Variants in IQGAP2 observed in about 807,000 individuals in gnomAD.
The protein encoded by IQGAP2 is ras GTPase-activating-like protein IQGAP2.
IQGAP2 carries 173 observed loss-of-function variants against 201.3 expected under a neutral mutation model. The ratio of observed to expected loss-of-function variants is 0.86; its 90% CI spans 0.76 to 0.98. The LOEUF (loss-of-function observed/expected upper bound fraction) is 0.98. IQGAP2 is among the 50% of genes least tolerant of loss of function. IQGAP2 has a pLI of 0.00. For synonymous variants in IQGAP2, 675 were observed against 673.9 expected (o/e 1.00, Z -0.03); for missense variants, 1,687 against 1,864.8 (o/e 0.90, Z 1.76).
intron 3 of IQGAP2, among the ~76,000 whole-genome samples, chr5:76,569,185 G>A (rs1744943248): frequency 6.6e-6 from 1 of 152,118 alleles, no homozygotes; most frequent in Non-Finnish European, 1.5e-5. Context: ...CTGATAGAGT[G>A]TTAGCATAGG....
intron 3 of IQGAP2, among the ~76,000 whole-genome samples, chr5:76,566,019 T>C (rs577095186): frequency 3.1e-4 from 47 of 152,266 alleles, no homozygotes; most frequent in African/African-American, 1.1e-3. Context: ...AACATTAATA[T>C]AACAAATTGC....
At chr5:76,675,498 T>A (rs923578746) in intron 27 of IQGAP2, among the ~76,000 whole-genome samples, 2 of 152,242 alleles carry the variant, frequency 1.3e-5, no homozygotes, top group African/African-American at 4.8e-5. Flanking sequence ...GATTTAATTC[T>A]ATTGATTTTG....
chr5:76,663,933 A>C (rs1222431796), intron 21 of IQGAP2, among the ~76,000 whole-genome samples: 2 of 152,222 alleles, frequency 1.3e-5, no homozygotes, highest in East Asian at 3.9e-4. Flanking sequence ...GGCTTAAAGG[A>C]ATATTGTGCT....
intron 1 of IQGAP2, among the ~76,000 whole-genome samples, chr5:76,443,394 G>A (rs947022992): frequency 1.3e-5 from 2 of 151,892 alleles, no homozygotes; most frequent in African/African-American, 2.4e-5. Flanking sequence ...GATGAGACGG[G>A]AAGATCATTT....
chr5:76,591,692 A>G (rs574694656), intron 8 of IQGAP2, among the ~76,000 whole-genome samples: 9 of 152,024 alleles, frequency 5.9e-5, no homozygotes, highest in Non-Finnish European at 1.3e-4. Flanking sequence ...CCCTCTCAGT[A>G]TGGGGATTCT....
At chr5:76,575,831 C>A in intron 5 of IQGAP2, 62 bp downstream of exon 5, 1 of 956,870 alleles carries the variant, frequency 1.0e-6, no homozygotes, top group Non-Finnish European at 1.5e-6. Flanking sequence ...ACTAAAATTT[C>A]AATTTTAAAA....
chr5:76,549,652 A>T (rs144795700), intron 2 of IQGAP2, among the ~76,000 whole-genome samples: 1 of 152,176 alleles, frequency 6.6e-6, no homozygotes, highest in East Asian at 1.9e-4. Context: ...CAAGGTGTCA[A>T]TGTGTTTGGT....
At chr5:76,483,924 A>G (rs1755952960) in intron 2 of IQGAP2, among the ~76,000 whole-genome samples, 1 of 152,188 alleles carries the variant, frequency 6.6e-6, no homozygotes, top group Admixed American at 6.5e-5. Context: ...AGGGAATAAT[A>G]GCTTTTCCTT....
chr5:76,538,303 G>A (rs1759743699), intron 2 of IQGAP2, among the ~76,000 whole-genome samples: 1 of 152,164 alleles, frequency 6.6e-6, no homozygotes, highest in Admixed American at 6.5e-5. Flanking sequence ...TGTGGGAATT[G>A]TGGAAGTGAC....
At chr5:76,515,470 G>A (rs551134118) in intron 2 of IQGAP2, among the ~76,000 whole-genome samples, 4 of 152,270 alleles carry the variant, frequency 2.6e-5, no homozygotes, top group African/African-American at 7.2e-5. Flanking sequence ...TTAAGTAAAA[G>A]GGGAGATGAA....
At chr5:76,493,452 T>A (rs919111354) in intron 2 of IQGAP2, among the ~76,000 whole-genome samples, 3 of 152,134 alleles carry the variant, frequency 2.0e-5, no homozygotes, top group African/African-American at 7.2e-5. Flanking sequence ...CTGACCACCC[T>A]ATTTACAATT....
chr5:76,609,321 G>A (rs1254287832), intron 12 of IQGAP2: 1 of 1,249,358 alleles, frequency 8.0e-7, no homozygotes, highest in Non-Finnish European at 1.1e-6. Flanking sequence ...AGGGTAAAAC[G>A]ACAGTACCTT....
rs567696032 is a variant in IQGAP2 at position 76,543,108 on chromosome 5, G to A, written c.147-19288G>A. On this transcript the variant is annotated intron_variant, in intron 2 of 35. Coordinates refer to ENST00000274364, the MANE Select transcript of IQGAP2 (RefSeq NM_006633.5). The stretch of plus-strand genomic sequence containing the variant: ...GATAATCAGTACTGGAAGGTGTAGG[G>A]TGAAGCTGCGTCACAGCCATGAAAT... 9.9e-5 allele frequency among the ~76,000 whole-genome samples: 15 copies of A among 152,214 alleles called. No individual in the cohort carries two copies. The South Asian group carries it at 2.9e-3, about 30-fold the overall frequency.
intron 5 of IQGAP2, among the ~76,000 whole-genome samples, chr5:76,581,357 A>C (rs976455247): frequency 6.6e-6 from 1 of 152,236 alleles, no homozygotes; most frequent in African/African-American, 2.4e-5. Context: ...TAAGATTTCC[A>C]AAGACAGTTT....
chr5:76,403,774 T>C lies in IQGAP2; in HGVS notation c.46+183T>C, dbSNP rs62363210. ...GCAGTGAATCGCGTCCCCCCGCTCC[T>C]CCCGCCCCCCAATTCCTAATATCCA... On this transcript the variant is annotated intron_variant, in intron 1 of 35. Coordinates refer to ENST00000274364, the MANE Select transcript of IQGAP2 (RefSeq NM_006633.5). The surrounding 1 kb of genome is among the most constrained non-coding windows in gnomAD (Gnocchi z 4.8). Among the ~76,000 whole-genome samples the C allele has an allele frequency of 0.19, 28,780 of 151,632 alleles. 3,237 individuals carry two copies. The highest frequency in any genetic ancestry group is 0.53 in the East Asian group (2,691 of 5,082).
intron 5 of IQGAP2, among the ~76,000 whole-genome samples, chr5:76,587,154 A>G (rs1746304894): frequency 6.6e-6 from 1 of 152,256 alleles, no homozygotes; most frequent in Non-Finnish European, 1.5e-5. Context: ...GAACAGAGCT[A>G]GAAAGTTAAC....
chr5:76,461,484 G>T, intron 1 of IQGAP2, 86 bp from the exon 2 acceptor site: 1 of 828,756 alleles, frequency 1.2e-6, no homozygotes, highest in Non-Finnish European at 2.0e-6. Context: ...ATGTTCAGCT[G>T]CATATGATTT....
intron 1 of IQGAP2, among the ~76,000 whole-genome samples, chr5:76,429,899 A>G (rs1410296340): frequency 6.8e-6 from 1 of 146,516 alleles, no homozygotes; most frequent in African/African-American, 2.5e-5. Context: ...ACACACGACT[A>G]TTTCATTTGT....
At chr5:76,465,151 A>G (rs1024962531) in intron 2 of IQGAP2, among the ~76,000 whole-genome samples, 1 of 152,218 alleles carries the variant, frequency 6.6e-6, no homozygotes, top group Non-Finnish European at 1.5e-5. Context: ...ATGAATACAA[A>G]TGCAAAAATC....
Sources: gnomAD v4.1 joint callset for allele counts (sites outside exome capture counted in the v4.1 genomes callset) on GRCh38, gnomAD v4.1.1 for gene constraint, Gnocchi (gnomAD v3.1) non-coding constraint, MANE v1.5 for transcripts, NCBI Gene and HGNC (gene_info 2026-07-23, HGNC 2026-07-21) for gene names.